The following TC2N variants were observed in gnomAD, a reference collection of about 807,000 sequenced individuals.
The protein encoded by TC2N is tandem C2 domains nuclear protein.
Under a neutral mutation model 61.9 loss-of-function variants are expected in TC2N, and 51 were observed. That is an observed-to-expected ratio of 0.82 (90% CI 0.66 to 1.04). The LOEUF (loss-of-function observed/expected upper bound fraction) is 1.04, where lower values mean the gene tolerates loss of function less well. Ranked by LOEUF, TC2N falls within the 50% of genes least tolerant of loss-of-function variation. The pLI, the probability that TC2N is intolerant of heterozygous loss-of-function variation, is 0.00. For synonymous variants in TC2N, 204 were observed against 192.6 expected (o/e 1.06, Z -0.49); for missense variants, 556 against 566.7 (o/e 0.98, Z 0.19).
At chr14:91,858,716 G>A (rs773663688) in intron 1 of TC2N, among the ~76,000 whole-genome samples, 3 of 152,112 alleles carry the variant, frequency 2.0e-5, no homozygotes, top group African/African-American at 4.8e-5. Flanking sequence ...CATCTGTTGT[G>A]TGTGGTGGCC....
At chr14:91,821,606 C>T (rs1234571042) in intron 1 of TC2N, among the ~76,000 whole-genome samples, 2 of 151,888 alleles carry the variant, frequency 1.3e-5, no homozygotes, top group Non-Finnish European at 2.9e-5. Flanking sequence ...ATTTCTTAGA[C>T]ACAACACCAA....
rs542936120 is a variant in TC2N, at chr14:91,819,522, A to G, written c.-56-5697T>C. Among the ~76,000 whole-genome samples the G allele has an allele frequency of 2.2e-4, 34 of 152,302 alleles. 1 individual carries two copies. The highest frequency in any genetic ancestry group is 7.0e-4 in the African/African-American group (29 of 41,568). On this transcript the variant is annotated intron_variant, in intron 1 of 11. Transcript: ENST00000435962. Reference sequence around the variant, plus strand: ...TCAGACATACAAAAGTTGAAAGAACATATTACCAACAGAGCTACACCACAA... The same window carrying G: ...TCAGACATACAAAAGTTGAAAGAACGTATTACCAACAGAGCTACACCACAA...
intron 1 of TC2N, among the ~76,000 whole-genome samples, chr14:91,818,937 C>T (rs778629957): frequency 1.3e-4 from 19 of 151,852 alleles, no homozygotes; most frequent in African/African-American, 4.4e-4. Flanking sequence ...ACAAAGAAGA[C>T]TGGGGATAGG....
chr14:91,796,998 A>C (rs1331524920), intron 8 of TC2N, among the ~76,000 whole-genome samples: 21 of 152,084 alleles, frequency 1.4e-4, no homozygotes, highest in Admixed American at 1.3e-3. Context: ...TTTCCACAGA[A>C]ATAATTTCCA....
chr14:91,789,022 T>G (rs60188734), intron 9 of TC2N, among the ~76,000 whole-genome samples: 12,674 of 152,212 alleles, frequency 0.083, 1,125 homozygotes, highest in African/African-American at 0.22. Context: ...AAAAATATAT[T>G]TTAAAAGATA....
chr14:91,797,727 T>C, intron 8 of TC2N, 58 bp downstream of exon 8: 2 of 1,055,344 alleles, frequency 1.9e-6, no homozygotes, highest in Non-Finnish European at 2.7e-6. Flanking sequence ...TGGGTAAAAG[T>C]GACAAATATA....
chr14:91,833,524 A>T (rs11849447), intron 1 of TC2N, among the ~76,000 whole-genome samples: 2,176 of 152,216 alleles, frequency 0.014, 56 homozygotes, highest in African/African-American at 0.05. Context: ...ATACATACAC[A>T]CACATTGGTA....
chr14:91,825,572 ACTACTTCCTT>A (rs986989661), intron 1 of TC2N, among the ~76,000 whole-genome samples: 1 of 152,158 alleles, frequency 6.6e-6, no homozygotes, highest in African/African-American at 2.4e-5. Flanking sequence ...CTCATCTTCC[ACTACTTCCTT>A]CTGCAAATAC....
At chr14:91,801,771 T>C (rs2139845312) in intron 4 of TC2N, among the ~76,000 whole-genome samples, 1 of 152,342 alleles carries the variant, frequency 6.6e-6, no homozygotes. Context: ...AGCTAACTTC[T>C]TTCTCTTTTG....
intron 1 of TC2N, among the ~76,000 whole-genome samples, chr14:91,819,734 C>A (rs780088121): frequency 2.0e-5 from 3 of 151,852 alleles, no homozygotes; most frequent in Non-Finnish European, 4.4e-5. Context: ...ATATGTAAAA[C>A]TAAAATGTAT....
chr14:91,791,192 GGAGGGGAGGGGAGAA>G (rs1221249166), intron 9 of TC2N, among the ~76,000 whole-genome samples: 2 of 126,022 alleles, frequency 1.6e-5, no homozygotes, highest in African/African-American at 5.8e-5. Flanking sequence ...GGAGGGGAGG[GGAGGGGAGGGGAGAA>G]GAGGGGAGGG....
intron 10 of TC2N, among the ~76,000 whole-genome samples, chr14:91,786,938 T>A (rs564961781): frequency 6.6e-6 from 1 of 152,288 alleles, no homozygotes; most frequent in South Asian, 2.1e-4. Flanking sequence ...AATGCTCAGT[T>A]TCATTTATTT....
At chr14:91,827,813 A>C (rs1353442230) in intron 1 of TC2N, among the ~76,000 whole-genome samples, 3 of 152,222 alleles carry the variant, frequency 2.0e-5, no homozygotes, top group African/African-American at 7.2e-5. Context: ...CAAAGTCTAA[A>C]GTTAGTCCTT....
intron 1 of TC2N, among the ~76,000 whole-genome samples, chr14:91,847,458 G>T (rs1322691657): frequency 6.6e-6 from 1 of 152,198 alleles, no homozygotes; most frequent in African/African-American, 2.4e-5. Context: ...AGGTGATGCA[G>T]TTTCTACATA....
intron 1 of TC2N, among the ~76,000 whole-genome samples, chr14:91,863,121 C>CAACCTCATGG (rs2097073176): frequency 6.6e-6 from 1 of 152,154 alleles, no homozygotes; most frequent in African/African-American, 2.4e-5. Context: ...AGCCTTGGGG[C>CAACCTCATGG]GGAAACCTCC....
At chr14:91,861,501 T>C (rs1888586978) in intron 1 of TC2N, among the ~76,000 whole-genome samples, 1 of 152,120 alleles carries the variant, frequency 6.6e-6, no homozygotes, top group Admixed American at 6.5e-5. Context: ...CTTCCAACTT[T>C]GGGATGGAGA....
intron 3 of TC2N, among the ~76,000 whole-genome samples, chr14:91,810,343 C>G (rs1447757698): frequency 6.6e-6 from 1 of 151,506 alleles, no homozygotes; most frequent in Non-Finnish European, 1.5e-5. Flanking sequence ...CAAACCATAT[C>G]AGGAGGGAAA....
chr14:91,863,098 G>A (rs986232345), intron 1 of TC2N, among the ~76,000 whole-genome samples: 136 of 152,252 alleles, frequency 8.9e-4, no homozygotes, highest in African/African-American at 3.2e-3. Context: ...AAGACTGGCT[G>A]TGTGGAAATG....
rs1180401999 is a variant in TC2N at position 91,797,845 on chromosome 14, T to C, written c.795A>G (p.Lys265=). 3.1e-6 allele frequency: 5 copies of C among 1,611,442 alleles called. No individual in the cohort carries two copies. The East Asian group carries it at 1.1e-4, about 36-fold the overall frequency. The change falls in exon 8 of 12, where the codon AAA becomes AAG. Residue 265 remains lysine (K), a synonymous_variant. Coordinates refer to ENST00000435962, the MANE Select transcript of TC2N (RefSeq NM_001128596.3). ...SYGDTPTVSI[K]GILTLPKPVH... ...CTGGTTTGGGCAATGTAAGTATTCC[T>C]TTTATAGAAACAGTAGGAGTGTCTC...
Sources: gnomAD v4.1 joint callset for allele counts (sites outside exome capture counted in the v4.1 genomes callset) on GRCh38, gnomAD v4.1.1 for gene constraint, MANE v1.5 for transcripts, NCBI Gene and HGNC (gene_info 2026-07-23, HGNC 2026-07-21) for gene names.